Variants in IGFBP4 observed in about 807,000 individuals in gnomAD.
IGFBP4 encodes insulin like growth factor binding protein 4.
In IGFBP4, 9 loss-of-function variants were observed where a neutral mutation model predicts 25.8. That is an observed-to-expected ratio of 0.35 (90% CI 0.21 to 0.61). IGFBP4 has a LOEUF of 0.61. Ranked by LOEUF, IGFBP4 falls within the 20% of genes least tolerant of loss-of-function variation. The probability of loss-of-function intolerance (pLI) is 0.77; values close to 1 mark genes in which losing one functional copy is unlikely to be tolerated. For missense variants in IGFBP4, 315 were observed against 365.3 expected (o/e 0.86, Z 1.12); for synonymous variants, 153 against 153.9 (o/e 0.99, Z 0.05).
chr17:40,451,665 G>A (rs370340577), intron 1 of IGFBP4, among the ~76,000 whole-genome samples: 3 of 152,126 alleles, frequency 2.0e-5, no homozygotes, highest in Non-Finnish European at 4.4e-5. Flanking sequence ...GGCCGGCAGC[G>A]AGCTGCCAAG....
Position 40,453,154 on chromosome 17 carries a change from C to T in IGFBP4, c.507+12C>T, listed in dbSNP as rs760125945. The T allele has an allele frequency of 1.0e-5, 16 of 1,534,738 alleles. No homozygotes were observed. Among genetic ancestry groups the T allele is most frequent in the Admixed American group, 6.0e-5 (3 of 50,006 alleles). ...ATGCCCGGCCTGTGGTAAGGACCTC[C>T]GATGCACAAATGTGCATGTGCATAG... On this transcript the variant is annotated intron_variant, in intron 2 of 3. Transcript: ENST00000269593. This position sits in a 1 kb window ranked among gnomAD's most constrained non-coding sequence, Gnocchi z 4.0.
intron 3 of IGFBP4, among the ~76,000 whole-genome samples, chr17:40,455,327 C>G (rs982256780): frequency 6.6e-6 from 1 of 151,426 alleles, no homozygotes; most frequent in Non-Finnish European, 1.5e-5. Flanking sequence ...ATTTTCTTCT[C>G]CTGATTTTTT....
chr17:40,449,252 T>G (rs2143739616), intron 1 of IGFBP4, among the ~76,000 whole-genome samples: 1 of 152,326 alleles, frequency 6.6e-6, no homozygotes, highest in Non-Finnish European at 1.5e-5. Context: ...TGAGCATACC[T>G]AATCCTCCTT....
Position 40,454,023 on chromosome 17 carries a change from C to A in IGFBP4, c.603C>A (p.Ile201=). The change falls in exon 3 of 4, where the codon ATC becomes ATA. Residue 201 remains isoleucine, a synonymous_variant. Transcript: ENST00000269593. ...RTHEDLYIIP[I]PNCDRNGNFH... ...ACGAGGACCTCTACATCATCCCCAT[C>A]CCCAACTGCGACCGCAACGGCAACT... The A allele has an allele frequency of 6.2e-7, 1 of 1,612,702 alleles. No individual in the cohort carries two copies. The highest frequency in any genetic ancestry group is 8.5e-7 in the Non-Finnish European group (1 of 1,179,510).
intron 3 of IGFBP4, among the ~76,000 whole-genome samples, chr17:40,454,313 C>G (rs2035703197): frequency 6.6e-6 from 1 of 152,222 alleles, no homozygotes; most frequent in South Asian, 2.1e-4. Flanking sequence ...AACAGCAGAT[C>G]TTGCCTCCCT....
At position 40,453,839 on chromosome 17, in the gene IGFBP4, G is replaced by C; in HGVS notation, c.508-89G>C. 3.1e-6 allele frequency: 3 copies of C among 978,324 alleles called. No individual in the cohort carries two copies. Among genetic ancestry groups the C allele is most frequent in the Non-Finnish European group, 4.5e-6 (3 of 672,702 alleles). 60.6% of individuals were successfully genotyped at this position (978,324 alleles called of 1,614,324 possible). A position where few individuals can be genotyped will look rare whatever the true frequency, so the allele number is the denominator to read the frequency against. On this transcript the variant is annotated intron_variant, in intron 2 of 3. Transcript: ENST00000269593. This position sits in a 1 kb window ranked among gnomAD's most constrained non-coding sequence, Gnocchi z 4.0. ...CCTGGGGCTCAGGCCTCCTTTCGGGGCCTTCAGTTCTCACTTAGCTCTGAC... is the reference window on the plus strand; with the variant it reads ...CCTGGGGCTCAGGCCTCCTTTCGGGCCCTTCAGTTCTCACTTAGCTCTGAC...
chr17:40,443,625 C>A lies in IGFBP4; in HGVS notation c.-111C>A. The stretch of plus-strand genomic sequence containing the variant: ...TCTCCCCGCGCCCTCCGGGTCGGGT[C>A]CTCCAGGAGCGCCAGGCGCTGCCGC... On this transcript the variant is annotated 5_prime_UTR_variant, in exon 1 of 4. Transcript: ENST00000269593. 1 of 387,394 alleles carries A rather than the reference C, an allele frequency of 2.6e-6. No homozygotes were observed. The allele number at this position is 387,394 out of a possible 1,614,324, so 24.0% of individuals were successfully genotyped here. A position where few individuals can be genotyped will look rare whatever the true frequency, so the allele number is the denominator to read the frequency against.
chr17:40,449,977 T>C (rs186667808), intron 1 of IGFBP4, among the ~76,000 whole-genome samples: 1 of 152,314 alleles, frequency 6.6e-6, no homozygotes, highest in East Asian at 1.9e-4. Flanking sequence ...ACCCATTTAC[T>C]GAGAGGAATG....
chr17:40,451,549 G>T (rs2035682819), intron 1 of IGFBP4, among the ~76,000 whole-genome samples: 1 of 151,940 alleles, frequency 6.6e-6, no homozygotes, highest in African/African-American at 2.4e-5. Context: ...GCCACGCATG[G>T]AGGAACCTGC....
intron 1 of IGFBP4, among the ~76,000 whole-genome samples, chr17:40,448,386 T>G (rs2035662937): frequency 6.6e-6 from 1 of 152,242 alleles, no homozygotes. Flanking sequence ...GACCGAGGTT[T>G]CCCCTATAGT....
At chr17:40,449,116 G>T (rs918569489) in intron 1 of IGFBP4, among the ~76,000 whole-genome samples, 11 of 152,164 alleles carry the variant, frequency 7.2e-5, no homozygotes, top group African/African-American at 2.7e-4. Flanking sequence ...CAAGGGAGAA[G>T]CCAGGCAGTT....
At position 40,456,361 on chromosome 17, in the gene IGFBP4, G is replaced by GGGGAT. The variant is rs1483745847; in HGVS notation, c.643-85_643-84insATGGG. 6 of 1,430,612 alleles carry GGGGAT rather than the reference G, an allele frequency of 4.2e-6. No individual in the cohort carries two copies. The Admixed American group carries it at 7.4e-5, about 18-fold the overall frequency. 88.6% of individuals were successfully genotyped at this position (1,430,612 alleles called of 1,614,324 possible). On this transcript the variant is annotated intron_variant, in intron 3 of 3. Transcript: ENST00000269593. ...CTTGAAGCAGCGACCGTCTGACTTG[G>GGGGAT]GGGCTGGGCTGGGCTGGGATTGGGG...
At chr17:40,450,523 T>G (rs10305295) in intron 1 of IGFBP4, among the ~76,000 whole-genome samples, 4,589 of 152,144 alleles carry the variant, frequency 0.03, 105 homozygotes, top group Middle Eastern at 0.095. Context: ...CTTGAATTTT[T>G]TTTTTGTTTT....
chr17:40,449,728 G>A (rs1324934102), intron 1 of IGFBP4, among the ~76,000 whole-genome samples: 4 of 150,280 alleles, frequency 2.7e-5, no homozygotes, highest in Non-Finnish European at 5.9e-5. Context: ...CAGCCTGGGC[G>A]ACAGAGCGAG....
chr17:40,446,816 A>G (rs934065969), intron 1 of IGFBP4, among the ~76,000 whole-genome samples: 6 of 152,068 alleles, frequency 3.9e-5, no homozygotes, highest in African/African-American at 1.4e-4. Context: ...CCTACTGAGC[A>G]AGCTATGCCC....
chr17:40,446,635 A>G (rs2035647526), intron 1 of IGFBP4, among the ~76,000 whole-genome samples: 1 of 151,934 alleles, frequency 6.6e-6, no homozygotes, highest in Non-Finnish European at 1.5e-5. Flanking sequence ...AAACAAATAA[A>G]CAAAAAAAAC....
chr17:40,456,583 A>T lies in IGFBP4; in HGVS notation c.777A>T (p.Ter259CysextTer28). The change falls in exon 4 of 4, where the codon TGA (stop) becomes TGT (cysteine). Residue 259 changes from the stop codon to cysteine, a stop_lost. Coordinates refer to ENST00000269593, the MANE Select transcript of IGFBP4 (RefSeq NM_001552.3). Reference sequence around the variant, plus strand: ...AGCTGGCTGACAGCTTTCGAGAGTGAGGCCTGCCAGCAGGCCAGGGACTCA... The same window carrying T: ...AGCTGGCTGACAGCTTTCGAGAGTGTGGCCTGCCAGCAGGCCAGGGACTCA... ...CHQLADSFRE* is the reference protein window; with the variant it reads ...CHQLADSFREC 1 of 1,611,884 alleles carries T rather than the reference A, an allele frequency of 6.2e-7. No individual in the cohort carries two copies. Among genetic ancestry groups the T allele is most frequent in the African/African-American group, 1.3e-5 (1 of 74,964 alleles).
chr17:40,452,740 C>T lies in IGFBP4; in HGVS notation c.350-245C>T, dbSNP rs183453383. 1.1e-3 allele frequency among the ~76,000 whole-genome samples: 169 copies of T among 152,194 alleles called. 3 individuals carry two copies. In the Middle Eastern group the frequency reaches 0.014, roughly 12 times the overall value. Reference sequence around the variant, plus strand: ...AGCTGCAGCTGGTGACTCATCTGAGCGCTGGCCTGAGTGGGGTGAGGGACA... The same window carrying T: ...AGCTGCAGCTGGTGACTCATCTGAGTGCTGGCCTGAGTGGGGTGAGGGACA... On this transcript the variant is annotated intron_variant, in intron 1 of 3. Transcript: ENST00000269593.
At chr17:40,449,328 C>T (rs2035668305) in intron 1 of IGFBP4, among the ~76,000 whole-genome samples, 1 of 152,094 alleles carries the variant, frequency 6.6e-6, no homozygotes, top group Non-Finnish European at 1.5e-5. Flanking sequence ...AACTTTGACT[C>T]GTAAAAGCTC....
Sources: gnomAD v4.1 joint callset for allele counts (sites outside exome capture counted in the v4.1 genomes callset) on GRCh38, gnomAD v4.1.1 for gene constraint, Gnocchi (gnomAD v3.1) non-coding constraint, MANE v1.5 for transcripts, NCBI Gene and HGNC (gene_info 2026-07-23, HGNC 2026-07-21) for gene names.